Variants in FANCD2 observed in about 807,000 individuals in gnomAD.
The protein encoded by FANCD2 is FA complementation group D2.
Under a neutral mutation model 192.3 loss-of-function variants are expected in FANCD2, and 131 were observed. The observed-to-expected ratio is 0.68, with a 90% CI of 0.59 to 0.79. The LOEUF is 0.79. Ranked by LOEUF, FANCD2 falls within the 30% of genes least tolerant of loss-of-function variation. The probability of loss-of-function intolerance (pLI) is 0.00; values close to 1 mark genes in which losing one functional copy is unlikely to be tolerated. For missense variants in FANCD2, 1,508 were observed against 1,701.6 expected, an observed-to-expected ratio of 0.89 and a Z score of 2.00; for synonymous variants, 524 against 612.5, an observed-to-expected ratio of 0.86 and a Z score of 2.13.
intron 12 of FANCD2, 34 bp downstream of exon 12, chr3:10,043,184 T>A: frequency 6.6e-7 from 1 of 1,518,688 alleles, no homozygotes; most frequent in Non-Finnish European, 9.1e-7. Flanking sequence ...GATGTCACAA[T>A]TTTCTGACAT....
At chr3:10,045,308 A>G (rs2086973323) in intron 14 of FANCD2, among the ~76,000 whole-genome samples, 1 of 151,978 alleles carries the variant, frequency 6.6e-6, no homozygotes, top group Non-Finnish European at 1.5e-5. Context: ...AGCTGGGACT[A>G]CAGGCACCTG....
intron 37 of FANCD2, among the ~76,000 whole-genome samples, chr3:10,091,119 C>G (rs906634222): frequency 3.3e-5 from 5 of 149,366 alleles, no homozygotes; most frequent in Non-Finnish European, 7.4e-5. Flanking sequence ...CTGAGTCTGA[C>G]ATCCAGGTTG....
chr3:10,092,522 C>T (rs1035644924), intron 38 of FANCD2, among the ~76,000 whole-genome samples: 6 of 151,510 alleles, frequency 4.0e-5, no homozygotes, highest in Admixed American at 4.0e-4. Flanking sequence ...CACTTTTTCA[C>T]CTTGCCTTGG....
At chr3:10,077,642 C>T (rs554229917) in intron 29 of FANCD2, among the ~76,000 whole-genome samples, 1 of 151,804 alleles carries the variant, frequency 6.6e-6, no homozygotes, top group Non-Finnish European at 1.5e-5. Context: ...AATCCCAATA[C>T]CTTGGGAGGC....
intron 18 of FANCD2, 71 bp downstream of exon 18, chr3:10,052,568 A>G: frequency 9.7e-7 from 1 of 1,030,394 alleles, no homozygotes; most frequent in Admixed American, 1.7e-5. Context: ...CCTAGACTGG[A>G]GTGCAGTTGG....
At chr3:10,041,598 T>A (rs1389722004) in intron 9 of FANCD2, 25 bp from the exon 10 acceptor site, 1 of 1,531,720 alleles carries the variant, frequency 6.5e-7, no homozygotes. Context: ...ATTATACAAC[T>A]TTTTTCTTTT....
At chr3:10,071,969 G>A (rs79493774) in intron 26 of FANCD2, among the ~76,000 whole-genome samples, 6 of 152,016 alleles carry the variant, frequency 3.9e-5, no homozygotes, top group Non-Finnish European at 7.4e-5. Context: ...CGTGTTGGCC[G>A]GGCTTGTCTC....
chr3:10,057,148 G>A (rs1175353119), intron 18 of FANCD2, among the ~76,000 whole-genome samples: 1 of 152,020 alleles, frequency 6.6e-6, no homozygotes, highest in African/African-American at 2.4e-5. Flanking sequence ...GAGCCACCGT[G>A]CTCAGCCCTT....
rs35167719 is a variant in FANCD2 at position 10,043,697 on chromosome 3, T to G, written c.1098+105T>G. On this transcript the variant is annotated intron_variant, in intron 13 of 43. Transcript: ENST00000675286. ...ATAAAAATCTCAAAACTCATTCAAGTGGAAATGATAGCTGATGGTTGCCAG... is the reference window on the plus strand; with the variant it reads ...ATAAAAATCTCAAAACTCATTCAAGGGGAAATGATAGCTGATGGTTGCCAG... 6 of 1,318,792 alleles carry G rather than the reference T, an allele frequency of 4.5e-6. No homozygotes were observed. The East Asian group carries it at 1.4e-4, about 31-fold the overall frequency. 81.7% of individuals were successfully genotyped at this position (1,318,792 alleles called of 1,614,324 possible).
intron 18 of FANCD2, among the ~76,000 whole-genome samples, chr3:10,054,027 A>G (rs1236525096): frequency 6.6e-6 from 1 of 151,996 alleles, no homozygotes; most frequent in Non-Finnish European, 1.5e-5. Flanking sequence ...CCTGGGCACC[A>G]TGGTGAAACC....
chr3:10,044,405 C>T (rs1253918935), intron 14 of FANCD2, among the ~76,000 whole-genome samples: 4 of 151,716 alleles, frequency 2.6e-5, no homozygotes, highest in African/African-American at 4.9e-5. Context: ...CGGTAGCTCA[C>T]GCCTATAATC....
chr3:10,051,232 T>G, intron 17 of FANCD2, among the ~76,000 whole-genome samples: 1 of 148,784 alleles, frequency 6.7e-6, no homozygotes. Flanking sequence ...TACAAAAAAA[T>G]TAGCCGGGCG....
At position 10,048,026 on chromosome 3, in the gene FANCD2, A is replaced by C; in HGVS notation, c.1388A>C (p.Lys463Thr). Residue 463 changes from lysine (K) to threonine (T), a missense_variant, in exon 16 of 44, where the codon AAG (lysine) becomes ACG (threonine). By Grantham distance (78) the Lys-to-Thr change is moderately conservative. Coordinates refer to ENST00000675286, the MANE Select transcript of FANCD2 (RefSeq NM_001018115.3). ...AGTCTCCTATACAAATATGCATTTA[A>C]GTTTTTTGACACGTACTGCCAGCAG... ...FGSLLYKYAF[K>T]FFDTYCQQEV... 1 of 1,614,260 alleles carries C rather than the reference A, an allele frequency of 6.2e-7. No homozygotes were observed. The highest frequency in any genetic ancestry group is 8.5e-7 in the Non-Finnish European group (1 of 1,180,054).
chr3:10,051,990 T>C (rs2087233423), intron 17 of FANCD2, among the ~76,000 whole-genome samples: 1 of 152,072 alleles, frequency 6.6e-6, no homozygotes, highest in Non-Finnish European at 1.5e-5. Flanking sequence ...GGTAGAATAT[T>C]GTTTTCACTG....
chr3:10,027,721 C>T (rs1053309265), intron 1 of FANCD2, among the ~76,000 whole-genome samples: 1 of 151,534 alleles, frequency 6.6e-6, no homozygotes, highest in East Asian at 1.9e-4. Context: ...CTGGGTAACA[C>T]GGTGAAACCC....
In FANCD2 at chr3:10,088,442, C is replaced by G; in HGVS notation, c.3467-7C>G. On this transcript the variant is annotated splice_polypyrimidine_tract_variant and splice_region_variant and intron_variant, in intron 34 of 43. Transcript: ENST00000675286. Reference sequence around the variant, plus strand: ...ATGTAAGATTCCTTTGTCTTCTTTTCTAACAGCTTCCCTTGCCAGACAATT... The same window carrying G: ...ATGTAAGATTCCTTTGTCTTCTTTTGTAACAGCTTCCCTTGCCAGACAATT... 6.3e-7 allele frequency: 1 copy of G among 1,588,450 alleles called. No individual in the cohort carries two copies. Among genetic ancestry groups the G allele is most frequent in the Admixed American group, 1.7e-5 (1 of 59,974 alleles).
intron 36 of FANCD2, among the ~76,000 whole-genome samples, chr3:10,089,697 A>G (rs34417922): frequency 3.7e-4 from 56 of 152,160 alleles, no homozygotes; most frequent in Non-Finnish European, 6.5e-4. Flanking sequence ...CTTGAACCCA[A>G]CCTCAGGTGA....
At chr3:10,089,896 A>G (rs1371662252) in intron 36 of FANCD2, among the ~76,000 whole-genome samples, 1 of 152,230 alleles carries the variant, frequency 6.6e-6, no homozygotes, top group Non-Finnish European at 1.5e-5. Context: ...CTTTCACTTT[A>G]TCTCATTTGA....
At chr3:10,072,504 C>T (rs2125047461) in intron 26 of FANCD2, among the ~76,000 whole-genome samples, 1 of 152,310 alleles carries the variant, frequency 6.6e-6, no homozygotes, top group South Asian at 2.1e-4. Context: ...GTCTCAAACT[C>T]CTGACCTCAG....
Sources: gnomAD v4.1 joint callset for allele counts (sites outside exome capture counted in the v4.1 genomes callset) on GRCh38, gnomAD v4.1.1 for gene constraint, MANE v1.5 for transcripts, NCBI Gene and HGNC (gene_info 2026-07-23, HGNC 2026-07-21) for gene names.